Variants in MOK observed in about 807,000 individuals in gnomAD.
MOK encodes the protein MAPK/MAK/MRK overlapping kinase.
A neutral mutation model predicts 54.2 loss-of-function variants in MOK; 59 were observed. The observed-to-expected ratio is 1.09, with a 90% confidence interval of 0.88 to 1.35. The LOEUF (loss-of-function observed/expected upper bound fraction) is 1.35, where lower values mean the gene tolerates loss of function less well. MOK is among the 40% of genes most tolerant of loss of function. The pLI is 0.00. For synonymous variants in MOK, 210 were observed against 202.7 expected (o/e 1.04, Z -0.31); for missense variants, 517 against 526.2 (o/e 0.98, Z 0.17).
Position 102,232,662 on chromosome 14 carries a change from T to C in MOK, c.739A>G (p.Ile247Val), listed in dbSNP as rs148360666. 5.6e-6 allele frequency: 9 copies of C among 1,613,846 alleles called. No individual in the cohort carries two copies. In the African/African-American group the frequency reaches 1.2e-4, roughly 22 times the overall value. Residue 247 changes from isoleucine to valine, a missense_variant, in exon 9 of 12, where the codon ATA becomes GTA. Physicochemically the swap from Ile to Val is conservative, Grantham distance 29. Transcript: ENST00000361847. This position sits in a 1 kb window ranked among gnomAD's most constrained non-coding sequence, Gnocchi z 5.1. The part of the protein sequence containing the change: ...FDFPFKKGSG[I>V]PLLTTNLSPQ... ...GACAAATTGGTTGTTAGTAGAGGTA[T>C]TCCTGATCCCTTTTTAAAAGGAAAA... is the stretch of plus-strand genomic sequence containing the variant.
At chr14:102,296,435 T>C (rs924725329) in intron 1 of MOK, among the ~76,000 whole-genome samples, 2 of 152,128 alleles carry the variant, frequency 1.3e-5, no homozygotes, top group Admixed American at 6.6e-5. Flanking sequence ...TGTGTGTATA[T>C]ACACAAAAAT....
Position 102,231,399 on chromosome 14 carries a change from C to T in MOK, c.981+308G>A, listed in dbSNP as rs1211111746. On this transcript the variant is annotated intron_variant, in intron 10 of 11. Coordinates refer to ENST00000361847, the MANE Select transcript of MOK (RefSeq NM_014226.3). The surrounding 1 kb of genome is among the most constrained non-coding windows in gnomAD (Gnocchi z 4.4). ...CACGGTGCTTTGGCATAGAACCTGG[C>T]ACCTGCATATGGTCATCAGGACAGA... The T allele has an allele frequency of 1.3e-4, 33 of 252,912 alleles. No homozygotes were observed. In the Admixed American group the frequency reaches 1.7e-3, roughly 13 times the overall value. 15.7% of individuals were successfully genotyped at this position (252,912 alleles called of 1,614,324 possible).
In MOK at chr14:102,236,307, C is replaced by T. The variant is rs2065217946; in HGVS notation, c.591-2518G>A. Among the ~76,000 whole-genome samples, 1 of 152,210 alleles carries T rather than the reference C, an allele frequency of 6.6e-6. No homozygotes were observed. The highest frequency in any genetic ancestry group is 1.5e-5 in the Non-Finnish European group (1 of 68,032). On this transcript the variant is annotated intron_variant, in intron 7 of 11. Transcript: ENST00000361847. This position sits in a 1 kb window ranked among gnomAD's most constrained non-coding sequence, Gnocchi z 4.5. ...CTGCGAGTAGCAGGTAAGCCGATCTCTTTTTAAATTGATAGCGGGGCCACC... is the reference window on the plus strand; with the variant it reads ...CTGCGAGTAGCAGGTAAGCCGATCTTTTTTTAAATTGATAGCGGGGCCACC...
At chr14:102,283,908 G>C (rs762514146) in intron 1 of MOK, among the ~76,000 whole-genome samples, 1 of 152,144 alleles carries the variant, frequency 6.6e-6, no homozygotes, top group Non-Finnish European at 1.5e-5. Flanking sequence ...CTTCCAGCAG[G>C]GGTGGGCATG....
At chr14:102,304,337 C>A (rs2072547396) in intron 1 of MOK, among the ~76,000 whole-genome samples, 1 of 152,190 alleles carries the variant, frequency 6.6e-6, no homozygotes, top group African/African-American at 2.4e-5. Context: ...ACAAATCCCA[C>A]TAAAGAAAAT....
chr14:102,234,786 G>C (rs2065062520), intron 7 of MOK, among the ~76,000 whole-genome samples: 1 of 152,124 alleles, frequency 6.6e-6, no homozygotes, highest in African/African-American at 2.4e-5. Context: ...CCTGAAAATG[G>C]CACTTTCGAT....
intron 2 of MOK, among the ~76,000 whole-genome samples, chr14:102,273,280 C>CAAAAAA (rs760362999): frequency 1.1e-5 from 1 of 89,594 alleles, no homozygotes; most frequent in Non-Finnish European, 2.7e-5. Flanking sequence ...CATACTAGAA[C>CAAAAAA]AAAAAAAAAA....
chr14:102,217,094 T>TG, the MOK span, among the ~76,000 whole-genome samples: 5 of 151,912 alleles, frequency 3.3e-5, no homozygotes, highest in Non-Finnish European at 5.9e-5. Context: ...CCCTTTTAGG[T>TG]GGGGGGCAGC....
Position 102,231,995 on chromosome 14 carries a change from C to T in MOK, c.867-174G>A, listed in dbSNP as rs2064773956. ...TTCTTTTCTGTCTCAGCCTGACAGT[C>T]TCTGGGCCAGGAACAGAGCTGGCTC... On this transcript the variant is annotated intron_variant, in intron 9 of 11. Transcript: ENST00000361847. The surrounding 1 kb of genome is among the most constrained non-coding windows in gnomAD (Gnocchi z 4.4). 1 of 545,472 alleles carries T rather than the reference C, an allele frequency of 1.8e-6. No homozygotes were observed. The highest frequency in any genetic ancestry group is 1.9e-5 in the African/African-American group (1 of 52,404). The allele number at this position is 545,472 out of a possible 1,614,324, so 33.8% of individuals were successfully genotyped here. A position where few individuals can be genotyped will look rare whatever the true frequency, so the allele number is the denominator to read the frequency against.
At chr14:102,229,934 C>T (rs1298187234) in intron 10 of MOK, 2 of 417,836 alleles carry the variant, frequency 4.8e-6, no homozygotes, top group Non-Finnish European at 4.3e-6. Flanking sequence ...GTGGTGCCCA[C>T]GCCTCCTGCC....
chr14:102,231,885 G>T lies in MOK; in HGVS notation c.867-64C>A. ...GAGCCCGCAGAGCACACGGCCTACT[G>T]GCTTCTTTGTCTCCAATTTGTCTAC... On this transcript the variant is annotated intron_variant, in intron 9 of 11. Coordinates refer to ENST00000361847, the MANE Select transcript of MOK (RefSeq NM_014226.3). The surrounding 1 kb of genome is among the most constrained non-coding windows in gnomAD (Gnocchi z 4.4). 7.3e-7 allele frequency: 1 copy of T among 1,368,498 alleles called. No homozygotes were observed. The highest frequency in any genetic ancestry group is 1.0e-6 in the Non-Finnish European group (1 of 976,400). 84.8% of individuals were successfully genotyped at this position (1,368,498 alleles called of 1,614,324 possible). A position where few individuals can be genotyped will look rare whatever the true frequency, so the allele number is the denominator to read the frequency against.
At chr14:102,263,522 T>G (rs2067648318) in intron 4 of MOK, 24 bp downstream of exon 4, 1 of 1,522,678 alleles carries the variant, frequency 6.6e-7, no homozygotes, top group Non-Finnish European at 9.0e-7. Context: ...GATCTTAGGT[T>G]AGCTTTCAAA....
chr14:102,223,642 C>T (rs1241024600), downstream of MOK: 1 of 152,560 alleles, frequency 6.6e-6, no homozygotes, highest in Non-Finnish European at 1.5e-5. Flanking sequence ...TTCTAATTCA[C>T]AAAAGTTAAT....
intron 4 of MOK, among the ~76,000 whole-genome samples, chr14:102,262,367 G>A (rs1285543273): frequency 6.6e-6 from 1 of 152,172 alleles, no homozygotes; most frequent in Non-Finnish European, 1.5e-5. Flanking sequence ...TAGTCAGGCT[G>A]GTCTTGAACT....
chr14:102,252,725 G>A (rs1385770377), intron 4 of MOK, among the ~76,000 whole-genome samples: 3 of 152,156 alleles, frequency 2.0e-5, no homozygotes, highest in Non-Finnish European at 4.4e-5. Flanking sequence ...ACCATATTCA[G>A]AGTATTCCTA....
intron 1 of MOK, among the ~76,000 whole-genome samples, chr14:102,288,904 T>C (rs2070438296): frequency 6.6e-6 from 1 of 151,682 alleles, no homozygotes. Flanking sequence ...CAGCTTTGTT[T>C]TGTTTTGTTT....
chr14:102,280,332 C>T (rs1252675837), intron 2 of MOK, among the ~76,000 whole-genome samples: 4 of 152,028 alleles, frequency 2.6e-5, no homozygotes, highest in Admixed American at 2.6e-4. Flanking sequence ...CTTCAGCCTC[C>T]CAAGTAGATG....
intron 2 of MOK, among the ~76,000 whole-genome samples, chr14:102,270,866 T>A (rs1458741516): frequency 6.6e-6 from 1 of 152,126 alleles, no homozygotes; most frequent in Non-Finnish European, 1.5e-5. Context: ...GTCCTGAAAC[T>A]CACTTACAAT....
At position 102,232,630 on chromosome 14, in the gene MOK, T is replaced by C. The variant is rs367636665; in HGVS notation, c.771A>G (p.Gln257=). The C allele has an allele frequency of 2.5e-5, 41 of 1,613,928 alleles. No homozygotes were observed. The highest frequency in any genetic ancestry group is 3.4e-5 in the Non-Finnish European group (40 of 1,179,972). ...IPLLTTNLSP[Q]CLSLLHAMVA... ...CCATTGCGTGCAGGAGGGAGAGGCA[T>C]TGTGGGGACAAATTGGTTGTTAGTA... The change falls in exon 9 of 12, where the codon CAA becomes CAG. Residue 257 remains glutamine (Q), a synonymous_variant. Transcript: ENST00000361847. This position sits in a 1 kb window ranked among gnomAD's most constrained non-coding sequence, Gnocchi z 5.1.
Sources: allele counts gnomAD v4.1 joint callset (sites outside exome capture counted in the v4.1 genomes callset), GRCh38; gene constraint gnomAD v4.1.1; non-coding constraint Gnocchi (gnomAD v3.1); transcripts MANE v1.5; gene names NCBI Gene and HGNC (gene_info 2026-07-23, HGNC 2026-07-21).